The following STARD9 variants were observed in gnomAD, a reference collection of about 807,000 sequenced individuals.
The protein encoded by STARD9 is stAR-related lipid transfer protein 9.
A neutral mutation model predicts 399.8 loss-of-function variants in STARD9; 346 were observed. The observed-to-expected ratio is 0.87, with a 90% confidence interval of 0.79 to 0.95. The LOEUF is 0.95. Ranked by LOEUF, STARD9 falls within the 40% of genes least tolerant of loss-of-function variation. The pLI, the probability that STARD9 is intolerant of heterozygous loss-of-function variation, is 0.00. For synonymous variants in STARD9, 2,203 were observed against 2,143.5 expected, an observed-to-expected ratio of 1.03 and a Z score of -0.77; for missense variants, 5,832 against 5,667.5, an observed-to-expected ratio of 1.03 and a Z score of -0.93.
In STARD9 at chr15:42,695,182, CAT is replaced by C; in HGVS notation, c.13007_13008del (p.Ile4336ArgfsTer12). 1 of 1,537,002 alleles carries C rather than the reference CAT, an allele frequency of 6.5e-7. No individual in the cohort carries two copies. The highest frequency in any genetic ancestry group is 8.7e-7 in the Non-Finnish European group (1 of 1,146,802). On this transcript the variant is annotated frameshift_variant, in exon 25 of 33. Coordinates refer to ENST00000290607, the MANE Select transcript of STARD9 (RefSeq NM_020759.3). LOFTEE classifies it high-confidence loss of function. ...VSRSAHTPSD[I>X]ELMLQDYQQA... is the part of the protein sequence containing the mutation. ...CAAGGTCAGCTCACACACCCTCTGA[CAT>C]AGAGTTGATGCTGCAAGACTACCAG...
At chr15:42,698,516 C>A (rs1255150450) in intron 26 of STARD9, among the ~76,000 whole-genome samples, 1 of 152,170 alleles carries the variant, frequency 6.6e-6, no homozygotes, top group East Asian at 1.9e-4. Context: ...TTTTCTCTTA[C>A]CAATTTGGAG....
At chr15:42,702,830 T>C (rs900899998) in intron 26 of STARD9, among the ~76,000 whole-genome samples, 6 of 152,344 alleles carry the variant, frequency 3.9e-5, no homozygotes, top group Non-Finnish European at 7.3e-5. Context: ...GATGTTTTTT[T>C]CCTTCAGCAC....
At position 42,690,030 on chromosome 15, in the gene STARD9, A is replaced by G; in HGVS notation, c.8452A>G (p.Thr2818Ala). 1 of 1,537,484 alleles carries G rather than the reference A, an allele frequency of 6.5e-7. No homozygotes were observed. Among genetic ancestry groups the G allele is most frequent in the Non-Finnish European group, 8.7e-7 (1 of 1,146,966 alleles). The change falls in exon 23 of 33, where the codon ACC (threonine) becomes GCC (alanine). Residue 2818 changes from threonine (T) to alanine (A), a missense_variant. By Grantham distance (58) the Thr-to-Ala change is moderately conservative (BLOSUM62 0). Transcript: ENST00000290607. ...AGCCCATTTTGAAAGTCAGTCTGTG[A>G]CCTGTGATGTTCAGAATTCTACAAG... ...KTAHFESQSV[T>A]CDVQNSTSAS...
intron 3 of STARD9, among the ~76,000 whole-genome samples, chr15:42,632,397 C>A (rs1345217827): frequency 4.6e-5 from 7 of 152,014 alleles, no homozygotes; most frequent in Non-Finnish European, 1.0e-4. Flanking sequence ...TTAACTCTGT[C>A]TTTTGATTGG....
chr15:42,587,650 TCTC>T (rs1247016247), intron 3 of STARD9, among the ~76,000 whole-genome samples: 2 of 152,150 alleles, frequency 1.3e-5, no homozygotes, highest in Non-Finnish European at 1.5e-5. Context: ...CACCACAACT[TCTC>T]CTCCTGGGTT....
chr15:42,596,623 C>T (rs2058511066), intron 3 of STARD9, among the ~76,000 whole-genome samples: 1 of 152,174 alleles, frequency 6.6e-6, no homozygotes, highest in South Asian at 2.1e-4. Flanking sequence ...CTCTTAACCC[C>T]ATTTCTGTAG....
intron 9 of STARD9, among the ~76,000 whole-genome samples, chr15:42,659,024 A>G (rs998620967): frequency 6.6e-6 from 1 of 152,108 alleles, no homozygotes. Flanking sequence ...GAGGCAGGAG[A>G]ATTGCTTGAA....
chr15:42,578,084 G>T, intron 1 of STARD9, among the ~76,000 whole-genome samples: 1 of 150,652 alleles, frequency 6.6e-6, no homozygotes, highest in Admixed American at 6.7e-5. Flanking sequence ...TATTTATTCA[G>T]TAGGACTAGA....
rs2060549784 is a variant in STARD9 at position 42,686,110 on chromosome 15, C to G, written c.4532C>G (p.Pro1511Arg). 6.5e-7 allele frequency: 1 copy of G among 1,537,268 alleles called. No individual in the cohort carries two copies. The highest frequency in any genetic ancestry group is 2.0e-5 in the Admixed American group (1 of 51,006). The change falls in exon 23 of 33, where the codon CCC (proline) becomes CGC (arginine). Residue 1511 changes from proline (P) to arginine (R), a missense_variant. Physicochemically the swap from Pro to Arg is moderately radical, Grantham distance 103 (BLOSUM62 -2). Coordinates refer to ENST00000290607, the MANE Select transcript of STARD9 (RefSeq NM_020759.3). ...EAIGAPKPAY[P>R]YLEEDSGSLA... is the part of the protein sequence containing the mutation. ...ATAGGAGCACCCAAGCCAGCTTACC[C>G]CTACCTTGAGGAAGACTCTGGTTCC...
intron 28 of STARD9, among the ~76,000 whole-genome samples, chr15:42,717,448 C>T (rs954054604): frequency 1.3e-5 from 2 of 151,902 alleles, no homozygotes; most frequent in African/African-American, 2.4e-5. Flanking sequence ...CATGGTGAGA[C>T]CCTGTCTCTA....
intron 1 of STARD9, chr15:42,581,418 A>G (rs2058166954): frequency 6.6e-7 from 1 of 1,523,758 alleles, no homozygotes; most frequent in South Asian, 1.1e-5. Flanking sequence ...GGCGTCGCTG[A>G]TGGCCACGGT....
intron 1 of STARD9, among the ~76,000 whole-genome samples, chr15:42,581,870 G>A (rs1270923101): frequency 1.3e-5 from 2 of 152,152 alleles, no homozygotes; most frequent in East Asian, 1.9e-4. Context: ...TTTACAAGGG[G>A]CCAGGCAGTG....
At chr15:42,618,699 C>T (rs528944872) in intron 3 of STARD9, among the ~76,000 whole-genome samples, 148 of 151,606 alleles carry the variant, frequency 9.8e-4, no homozygotes, top group African/African-American at 3.4e-3. Flanking sequence ...TGGGTTCAAG[C>T]GATTCTCCTG....
rs2061431910 is a variant in STARD9, at chr15:42,720,487, T to C, written c.*913T>C. 6.6e-6 allele frequency: 1 copy of C among 152,266 alleles called. No individual in the cohort carries two copies. Among genetic ancestry groups the C allele is most frequent in the Non-Finnish European group, 1.5e-5 (1 of 68,102 alleles). The allele number at this position is 152,266 out of a possible 1,614,324, so 9.4% of individuals were successfully genotyped here. A position where few individuals can be genotyped will look rare whatever the true frequency, so the allele number is the denominator to read the frequency against. On this transcript the variant is annotated 3_prime_UTR_variant, in exon 33 of 33. Transcript: ENST00000290607. Reference sequence around the variant, plus strand: ...TGGGAGGAAGCTCAGTTCCAGAACTTACCTCAGTGCACTTGGGAGGGGTGG... The same window carrying C: ...TGGGAGGAAGCTCAGTTCCAGAACTCACCTCAGTGCACTTGGGAGGGGTGG...
In STARD9 at chr15:42,699,396, T is replaced by TC. The variant is rs1389263448; in HGVS notation, c.13284+3516_13284+3517insC. On this transcript the variant is annotated intron_variant, in intron 26 of 32. Transcript: ENST00000290607. Reference sequence around the variant, plus strand: ...TGAGATCAACTTTTTTCTTTTCTTTTTTTTTTTTTTTTTTTTGAGATGGAG... The same window carrying TC: ...TGAGATCAACTTTTTTCTTTTCTTTTCTTTTTTTTTTTTTTTTGAGATGGAG... 5.0e-5 allele frequency among the ~76,000 whole-genome samples: 7 copies of TC among 139,148 alleles called. No homozygotes were observed. In the South Asian group the frequency reaches 1.4e-3, roughly 27 times the overall value. 91.3% of individuals were successfully genotyped at this position (139,148 alleles called of 152,430 possible).
In STARD9 at chr15:42,686,459, C is replaced by A. The variant is rs1378446912; in HGVS notation, c.4881C>A (p.Asn1627Lys). The A allele has an allele frequency of 6.5e-7, 1 of 1,537,802 alleles. No individual in the cohort carries two copies. Among genetic ancestry groups the A allele is most frequent in the Non-Finnish European group, 8.7e-7 (1 of 1,147,040 alleles). The change falls in exon 23 of 33, where the codon AAC becomes AAA. Residue 1627 changes from asparagine to lysine, a missense_variant. Asn to Lys is a moderately conservative substitution (Grantham distance 94). Coordinates refer to ENST00000290607, the MANE Select transcript of STARD9 (RefSeq NM_020759.3). Reference sequence around the variant, plus strand: ...CAGAAGCATGTGAAGTCAAGCAGAACAACTTGGAAGAATGCCTTCAGAGTT... The same window carrying A: ...CAGAAGCATGTGAAGTCAAGCAGAAAAACTTGGAAGAATGCCTTCAGAGTT... The part of the protein sequence containing the change: ...SMTEACEVKQ[N>K]NLEECLQSCR...
rs1380376688 is a variant in STARD9, at chr15:42,686,076, T to G, written c.4498T>G (p.Leu1500Val). Residue 1500 changes from leucine to valine, a missense_variant, in exon 23 of 33, where the codon TTG (leucine) becomes GTG (valine). Leu to Val is a conservative substitution (Grantham distance 32). Around this residue, in one of 2 missense-constraint regions of STARD9, gnomAD observed 5,828 missense variants for 5,651.1 expected, o/e 1.03. Coordinates refer to ENST00000290607, the MANE Select transcript of STARD9 (RefSeq NM_020759.3). ...KYLLELSCPV[L>V]EAIGAPKPAY... The stretch of plus-strand genomic sequence containing the variant: ...CCTCCTTGAACTCTCTTGTCCTGTT[T>G]TGGAGGCCATAGGAGCACCCAAGCC... 6 of 1,537,230 alleles carry G rather than the reference T, an allele frequency of 3.9e-6. No individual in the cohort carries two copies. The highest frequency in any genetic ancestry group is 4.4e-6 in the Non-Finnish European group (5 of 1,146,888).
intron 3 of STARD9, among the ~76,000 whole-genome samples, chr15:42,588,912 T>G (rs2058341513): frequency 6.7e-6 from 1 of 150,318 alleles, no homozygotes; most frequent in Non-Finnish European, 1.5e-5. Context: ...CCTCCTGGGT[T>G]CCAGCGATTC....
At position 42,651,092 on chromosome 15, in the gene STARD9, GGTTT is replaced by G. The variant is rs2059754013; in HGVS notation, c.629+16_629+19del. On this transcript the variant is annotated splice_region_variant and intron_variant, in intron 8 of 32. Transcript: ENST00000290607. ...AGGAGGGAATTGCAAACAGGTAACA[GGTTT>G]GTTTGTTTCTGTCATTCTTTTATCC... 6.5e-7 allele frequency: 1 copy of G among 1,527,914 alleles called. No individual in the cohort carries two copies. Among genetic ancestry groups the G allele is most frequent in the African/African-American group, 1.4e-5 (1 of 72,782 alleles). 94.6% of individuals were successfully genotyped at this position (1,527,914 alleles called of 1,614,324 possible).
Sources: allele counts gnomAD v4.1 joint callset (sites outside exome capture counted in the v4.1 genomes callset), GRCh38; gene constraint gnomAD v4.1.1; regional missense constraint gnomAD v4.1.1; transcripts MANE v1.5; gene names NCBI Gene and HGNC (gene_info 2026-07-23, HGNC 2026-07-21).